CAMSAP3: variants seen among roughly 807,000 people sequenced by gnomAD.
CAMSAP3 encodes calmodulin-regulated spectrin-associated protein 3.
In CAMSAP3, 34 loss-of-function variants were observed where a neutral mutation model predicts 112.5. The observed-to-expected ratio is 0.30, with a 90% CI of 0.23 to 0.40. The LOEUF (loss-of-function observed/expected upper bound fraction) is 0.40. Ranked by LOEUF, CAMSAP3 falls within the 10% of genes least tolerant of loss-of-function variation. The pLI, the probability that CAMSAP3 is intolerant of heterozygous loss-of-function variation, is 1.00. For synonymous variants in CAMSAP3, 868 were observed against 799.8 expected, an observed-to-expected ratio of 1.09 and a Z score of -1.44; for missense variants, 1,602 against 1,770.3, an observed-to-expected ratio of 0.90 and a Z score of 1.71.
At chr19:7,596,356 C>CG (rs2024441495) in intron 1 of CAMSAP3, among the ~76,000 whole-genome samples, 1 of 151,030 alleles carries the variant, frequency 6.6e-6, no homozygotes, top group African/African-American at 2.4e-5. Flanking sequence ...CCGCCGGCTG[C>CG]GGGAGCGCGG....
In CAMSAP3 at chr19:7,610,962, C is replaced by A; in HGVS notation, c.1049+31C>A. Reference sequence around the variant, plus strand: ...CTCCCCACACTGGGCGAGTCTCTGGCATTGTGGGTGTGGGGCTCCATGTCT... The same window carrying A: ...CTCCCCACACTGGGCGAGTCTCTGGAATTGTGGGTGTGGGGCTCCATGTCT... On this transcript the variant is annotated intron_variant, in intron 8 of 16. Coordinates refer to ENST00000160298, the MANE Select transcript of CAMSAP3 (RefSeq NM_020902.2). This position sits in a 1 kb window ranked among gnomAD's most constrained non-coding sequence, Gnocchi z 4.9. The A allele has an allele frequency of 6.3e-7, 1 of 1,575,470 alleles. No homozygotes were observed.
chr19:7,602,932 T>G (rs1483967923), intron 1 of CAMSAP3, among the ~76,000 whole-genome samples: 177 of 117,310 alleles, frequency 1.5e-3, no homozygotes, highest in Non-Finnish European at 1.5e-3. Flanking sequence ...GAGGGAGAGG[T>G]GGAGGGGGGC....
At chr19:7,616,967 G>A (rs1348317996) in intron 14 of CAMSAP3, among the ~76,000 whole-genome samples, 1 of 15,046 alleles carries the variant, frequency 6.6e-5, no homozygotes, top group African/African-American at 3.0e-4. Flanking sequence ...TTGTTTTTTT[G>A]AGAGGGAGTC....
Position 7,609,175 on chromosome 19 carries a change from G to A in CAMSAP3, c.760+911G>A, listed in dbSNP as rs567548769. 5.7e-3 allele frequency among the ~76,000 whole-genome samples: 870 copies of A among 151,884 alleles called. 4 individuals are homozygous for A. Among genetic ancestry groups the A allele is most frequent in the Non-Finnish European group, 9.3e-3 (634 of 67,946 alleles). On this transcript the variant is annotated intron_variant, in intron 5 of 16. Coordinates refer to ENST00000160298, the MANE Select transcript of CAMSAP3 (RefSeq NM_020902.2). ...TCTACTAAAAATACAGAAATTAGCCGGGTGCGGTGGCGGGCGCCTGTAATC... is the reference window on the plus strand; with the variant it reads ...TCTACTAAAAATACAGAAATTAGCCAGGTGCGGTGGCGGGCGCCTGTAATC...
In CAMSAP3 at chr19:7,607,406, T is replaced by G. The variant is rs2030275931; in HGVS notation, c.622-720T>G. Among the ~76,000 whole-genome samples the G allele has an allele frequency of 6.6e-6, 1 of 152,224 alleles. No individual in the cohort carries two copies. The highest frequency in any genetic ancestry group is 2.4e-5 in the African/African-American group (1 of 41,460). ...AGCTGTGTGACCTTGCAGAAGTATC[T>G]AAACCTCTCTGTGCTTCATATAAAT... On this transcript the variant is annotated intron_variant, in intron 4 of 16. Transcript: ENST00000160298. The surrounding 1 kb of genome is among the most constrained non-coding windows in gnomAD (Gnocchi z 4.9).
chr19:7,610,822 T>C lies in CAMSAP3; in HGVS notation c.994+29T>C. On this transcript the variant is annotated intron_variant, in intron 7 of 16. Coordinates refer to ENST00000160298, the MANE Select transcript of CAMSAP3 (RefSeq NM_020902.2). This position sits in a 1 kb window ranked among gnomAD's most constrained non-coding sequence, Gnocchi z 4.9. ...AGGCCCTGGGGGCCTGGGGGCCGGG[T>C]CGGGGGCGGGTGGGAGAGCCAAACC... 2.0e-6 allele frequency: 3 copies of C among 1,476,752 alleles called. No homozygotes were observed. The highest frequency in any genetic ancestry group is 2.8e-6 in the Non-Finnish European group (3 of 1,057,358). The allele number at this position is 1,476,752 out of a possible 1,614,324, so 91.5% of individuals were successfully genotyped here.
chr19:7,615,439 G>A lies in CAMSAP3; in HGVS notation c.2832G>A (p.Pro944=), dbSNP rs1387982968. 8 of 1,540,846 alleles carry A rather than the reference G, an allele frequency of 5.2e-6. No homozygotes were observed. The highest frequency in any genetic ancestry group is 6.1e-6 in the Non-Finnish European group (7 of 1,146,038). Residue 944 remains proline, a synonymous_variant, in exon 13 of 17, where the codon CCG becomes CCA. Transcript: ENST00000160298. The surrounding 1 kb of genome is among the most constrained non-coding windows in gnomAD (Gnocchi z 6.5). ...EAARLAQEEA[P]GPAPLVSAVP... ...GCAGGCTGGCCCAAGAGGAGGCCCCGGGCCCAGCCCCGCTTGTGTCCGCAG... is the reference window on the plus strand; with the variant it reads ...GCAGGCTGGCCCAAGAGGAGGCCCCAGGCCCAGCCCCGCTTGTGTCCGCAG...
At chr19:7,599,636 C>T (rs1186403586) in intron 1 of CAMSAP3, among the ~76,000 whole-genome samples, 1 of 58,568 alleles carries the variant, frequency 1.7e-5, no homozygotes, top group Non-Finnish European at 3.4e-5. Context: ...CCCCACTCAT[C>T]CATCCACCCA....
rs775793682 is a variant in CAMSAP3 at position 7,607,147 on chromosome 19, G to A, written c.621+576G>A. On this transcript the variant is annotated intron_variant, in intron 4 of 16. Coordinates refer to ENST00000160298, the MANE Select transcript of CAMSAP3 (RefSeq NM_020902.2). The surrounding 1 kb of genome is among the most constrained non-coding windows in gnomAD (Gnocchi z 4.9). Reference sequence around the variant, plus strand: ...GAACCTGTCCCCCTTAGCCGAGGTGGGGAGACCACATAAATTTCTGAAGGG... The same window carrying A: ...GAACCTGTCCCCCTTAGCCGAGGTGAGGAGACCACATAAATTTCTGAAGGG... Among the ~76,000 whole-genome samples the A allele has an allele frequency of 6.6e-6, 1 of 152,122 alleles. No individual in the cohort carries two copies. Among genetic ancestry groups the A allele is most frequent in the African/African-American group, 2.4e-5 (1 of 41,434 alleles).
At position 7,617,820 on chromosome 19, in the gene CAMSAP3, G is replaced by A. The variant is rs1190784211; in HGVS notation, c.3513G>A (p.Ala1171=). The A allele has an allele frequency of 5.0e-6, 8 of 1,613,756 alleles. No homozygotes were observed. Among genetic ancestry groups the A allele is most frequent in the South Asian group, 2.2e-5 (2 of 91,084 alleles). The change falls in exon 17 of 17, where the codon GCG becomes GCA. Residue 1171 remains alanine, a synonymous_variant. Coordinates refer to ENST00000160298, the MANE Select transcript of CAMSAP3 (RefSeq NM_020902.2). The surrounding 1 kb of genome is among the most constrained non-coding windows in gnomAD (Gnocchi z 7.5). Reference sequence around the variant, plus strand: ...GCGACTCGAGCTGCCAGTTCCGGGCGCTCTACACGCTGTCGGGGGAGACAG... The same window carrying A: ...GCGACTCGAGCTGCCAGTTCCGGGCACTCTACACGCTGTCGGGGGAGACAG... The part of the protein sequence containing the change: ...LFRDSSCQFR[A]LYTLSGETEE...
chr19:7,609,916 G>T (rs1057440039), intron 5 of CAMSAP3, among the ~76,000 whole-genome samples: 1 of 152,064 alleles, frequency 6.6e-6, no homozygotes, highest in African/African-American at 2.4e-5. Flanking sequence ...TGCAAGTGAC[G>T]GGGAGCGGCT....
rs779598295 is a variant in CAMSAP3 at position 7,617,381 on chromosome 19, C to T, written c.3268C>T (p.Arg1090Trp). The change falls in exon 15 of 17, where the codon CGG becomes TGG. Residue 1090 changes from arginine (R) to tryptophan (W), a missense_variant. Physicochemically the swap from Arg to Trp is moderately radical, Grantham distance 101. Transcript: ENST00000160298. The surrounding 1 kb of genome is among the most constrained non-coding windows in gnomAD (Gnocchi z 7.5). ...SPSRLPGSRE[R>W]DWENGSNASS... is the part of the protein sequence containing the mutation. The stretch of plus-strand genomic sequence containing the variant: ...AAGCCGCCTGCCTGGAAGCCGCGAA[C>T]GGGACTGGGAAAATGGCAGCAATGC... 1.4e-5 allele frequency: 22 copies of T among 1,614,012 alleles called. No homozygotes were observed. The highest frequency in any genetic ancestry group is 5.0e-5 in the Admixed American group (3 of 60,004).
rs2030151705 is a variant in CAMSAP3 at position 7,605,262 on chromosome 19, C to T, written c.185C>T (p.Thr62Ile). 10 of 1,604,214 alleles carry T rather than the reference C, an allele frequency of 6.2e-6. No individual in the cohort carries two copies. Among genetic ancestry groups the T allele is most frequent in the Middle Eastern group, 1.7e-4 (1 of 6,032 alleles). ...CCGGAGCTGTGGGAGCCCTTCTATACCGACCAGTACGCGCAGGAGCATGTG... is the reference window on the plus strand; with the variant it reads ...CCGGAGCTGTGGGAGCCCTTCTATATCGACCAGTACGCGCAGGAGCATGTG... The part of the protein sequence containing the change: ...VPPELWEPFY[T>I]DQYAQEHVKP... The change falls in exon 2 of 17, where the codon ACC (threonine) becomes ATC (isoleucine). Residue 62 changes from threonine (T) to isoleucine (I), a missense_variant. By Grantham distance (89) the Thr-to-Ile change is moderately conservative. Transcript: ENST00000160298.
intron 13 of CAMSAP3, chr19:7,616,262 G>A: frequency 4.8e-6 from 2 of 415,690 alleles, no homozygotes; most frequent in African/African-American, 4.0e-5. Context: ...TCTTTCTTCT[G>A]TGGCTTCATG....
At chr19:7,599,395 T>TCCAC (rs1568437669) in intron 1 of CAMSAP3, among the ~76,000 whole-genome samples, 2 of 21,500 alleles carry the variant, frequency 9.3e-5, no homozygotes, top group Admixed American at 4.2e-4. Flanking sequence ...CACCCATCCA[T>TCCAC]CCACCCATTC....
Position 7,615,669 on chromosome 19 carries a change from G to T in CAMSAP3, c.3062G>T (p.Gly1021Val). 1 of 1,427,750 alleles carries T rather than the reference G, an allele frequency of 7.0e-7. No homozygotes were observed. Among genetic ancestry groups the T allele is most frequent in the Non-Finnish European group, 9.1e-7 (1 of 1,096,256 alleles). The allele number at this position is 1,427,750 out of a possible 1,614,324, so 88.4% of individuals were successfully genotyped here. A position where few individuals can be genotyped will look rare whatever the true frequency, so the allele number is the denominator to read the frequency against. ...GGRRATRPRS[G>V]CCDDSALARS... ...CGGAGGGCCACCCGGCCTCGCTCGG[G>T]TTGCTGTGACGACTCAGCCCTGGCA... The change falls in exon 13 of 17, where the codon GGT becomes GTT. Residue 1021 changes from glycine (G) to valine (V), a missense_variant. Coordinates refer to ENST00000160298, the MANE Select transcript of CAMSAP3 (RefSeq NM_020902.2). This position sits in a 1 kb window ranked among gnomAD's most constrained non-coding sequence, Gnocchi z 6.5.
rs541230102 is a variant in CAMSAP3 at position 7,618,277 on chromosome 19, C to T, written c.*220C>T. 6.7e-5 allele frequency: 37 copies of T among 554,516 alleles called. No individual in the cohort carries two copies. Among genetic ancestry groups the T allele is most frequent in the Non-Finnish European group, 1.0e-4 (32 of 315,486 alleles). The allele number at this position is 554,516 out of a possible 1,614,324, so 34.3% of individuals were successfully genotyped here. On this transcript the variant is annotated 3_prime_UTR_variant, in exon 17 of 17. Coordinates refer to ENST00000160298, the MANE Select transcript of CAMSAP3 (RefSeq NM_020902.2). ...CAGTCCCCTTGTCTGTCCTCCCCCA[C>T]TTCTTGAATAAAATAATTTAAAGAG...
chr19:7,617,107 G>A lies in CAMSAP3; in HGVS notation c.3213-219G>A, dbSNP rs2030848983. Among the ~76,000 whole-genome samples the A allele has an allele frequency of 6.6e-6, 1 of 151,908 alleles. No individual in the cohort carries two copies. Among genetic ancestry groups the A allele is most frequent in the African/African-American group, 2.4e-5 (1 of 41,346 alleles). On this transcript the variant is annotated intron_variant, in intron 14 of 16. Transcript: ENST00000160298. This position sits in a 1 kb window ranked among gnomAD's most constrained non-coding sequence, Gnocchi z 7.5. ...GGGGTTACCCGTGCCTGTAGAGACG[G>A]TGTTTCACCATGTTGGCCAGGCTGG... is the stretch of plus-strand genomic sequence containing the variant.
At position 7,596,108 on chromosome 19, in the gene CAMSAP3, GC is replaced by G; in HGVS notation, c.108del (p.Ser37AlafsTer34). 1 of 1,259,994 alleles carries G rather than the reference GC, an allele frequency of 7.9e-7. No individual in the cohort carries two copies. The highest frequency in any genetic ancestry group is 1.0e-6 in the Non-Finnish European group (1 of 973,828). 78.1% of individuals were successfully genotyped at this position (1,259,994 alleles called of 1,614,324 possible). ...QYDFSRAKAA[A>X]SLAWVLRAAF... ...CGATTTCTCGCGGGCCAAGGCGGCGGCCAGCCTGGCGTGGGTGCTGCGGGCC... is the reference window on the plus strand; with the variant it reads ...CGATTTCTCGCGGGCCAAGGCGGCGGCAGCCTGGCGTGGGTGCTGCGGGCC... On this transcript the variant is annotated frameshift_variant, in exon 1 of 17. Transcript: ENST00000160298. LOFTEE classifies it high-confidence loss of function.
Sources: gnomAD v4.1 joint callset for allele counts (sites outside exome capture counted in the v4.1 genomes callset) on GRCh38, gnomAD v4.1.1 for gene constraint, Gnocchi (gnomAD v3.1) non-coding constraint, MANE v1.5 for transcripts, NCBI Gene and HGNC (gene_info 2026-07-23, HGNC 2026-07-21) for gene names.